The following KIF26B variants were observed in gnomAD, a reference collection of about 807,000 sequenced individuals.
KIF26B encodes kinesin-like protein KIF26B.
Under a neutral mutation model 151.2 loss-of-function variants are expected in KIF26B, and 63 were observed. That is an observed-to-expected ratio of 0.42 (90% CI 0.34 to 0.51). KIF26B has a LOEUF of 0.51. KIF26B is among the 20% of genes least tolerant of loss of function. The pLI, the probability that KIF26B is intolerant of heterozygous loss-of-function variation, is 0.07. For missense variants in KIF26B, 2,813 were observed against 2,913.6 expected, an observed-to-expected ratio of 0.97 and a Z score of 0.79; for synonymous variants, 1,357 against 1,262.1, an observed-to-expected ratio of 1.08 and a Z score of -1.59.
intron 9 of KIF26B, among the ~76,000 whole-genome samples, chr1:245,614,578 T>A (rs909128987): frequency 6.6e-6 from 1 of 152,232 alleles, no homozygotes; most frequent in African/African-American, 2.4e-5. Flanking sequence ...CTGGGGCTGC[T>A]TTTTATGGCT....
chr1:245,609,207 C>T lies in KIF26B; in HGVS notation c.1652-59C>T, dbSNP rs1264074229. The stretch of plus-strand genomic sequence containing the variant: ...ATATCCTTGGCATCTATTTTGGAGA[C>T]TCCGTGGAATGATGCCTGGACACTG... On this transcript the variant is annotated intron_variant, in intron 7 of 14. Coordinates refer to ENST00000407071, the MANE Select transcript of KIF26B (RefSeq NM_018012.4). 2.0e-6 allele frequency: 3 copies of T among 1,483,032 alleles called. No homozygotes were observed. The African/African-American group carries it at 4.2e-5, about 21-fold the overall frequency. 91.9% of individuals were successfully genotyped at this position (1,483,032 alleles called of 1,614,324 possible).
chr1:245,553,530 A>G (rs1661943087), intron 5 of KIF26B, among the ~76,000 whole-genome samples: 1 of 152,188 alleles, frequency 6.6e-6, no homozygotes, highest in African/African-American at 2.4e-5. Flanking sequence ...GTTGTTTTAT[A>G]TATGAATATT....
Position 245,597,037 on chromosome 1 carries a change from G to A in KIF26B, c.1351-5540G>A, listed in dbSNP as rs902869486. 3.3e-5 allele frequency among the ~76,000 whole-genome samples: 5 copies of A among 151,890 alleles called. No individual in the cohort carries two copies. Among genetic ancestry groups the A allele is most frequent in the African/African-American group, 1.2e-4 (5 of 41,374 alleles). On this transcript the variant is annotated intron_variant, in intron 5 of 14. Coordinates refer to ENST00000407071, the MANE Select transcript of KIF26B (RefSeq NM_018012.4). The surrounding 1 kb of genome is among the most constrained non-coding windows in gnomAD (Gnocchi z 4.6). ...TTTTGAGGCTATGTGTGACTCAGAT[G>A]GGTCTCCTGAATACAGCACCCTGAT...
intron 12 of KIF26B, among the ~76,000 whole-genome samples, chr1:245,691,753 T>C (rs546934493): frequency 6.6e-6 from 1 of 152,352 alleles, no homozygotes; most frequent in East Asian, 1.9e-4. Context: ...ACTAGAATTA[T>C]TGGGAAAATA....
At chr1:245,299,161 T>C (rs985427776) in intron 2 of KIF26B, among the ~76,000 whole-genome samples, 1 of 152,138 alleles carries the variant, frequency 6.6e-6, no homozygotes, top group African/African-American at 2.4e-5. Context: ...AACAGGCGCA[T>C]TGTTTTTATT....
At chr1:245,410,581 C>T (rs1159747567) in intron 3 of KIF26B, among the ~76,000 whole-genome samples, 1 of 152,126 alleles carries the variant, frequency 6.6e-6, no homozygotes, top group Non-Finnish European at 1.5e-5. Flanking sequence ...TCCCGAGTAG[C>T]TGGAATTACA....
Position 245,609,416 on chromosome 1 carries a change from G to C in KIF26B, c.1802G>C (p.Trp601Ser), listed in dbSNP as rs752605304. 11 of 1,608,958 alleles carry C rather than the reference G, an allele frequency of 6.8e-6. No individual in the cohort carries two copies. The highest frequency in any genetic ancestry group is 4.5e-5 in the East Asian group (2 of 44,720). ...FSVRVSAVEV[W>S]GKEENLRDLL... is the part of the protein sequence containing the mutation. Reference sequence around the variant, plus strand: ...GTCCGGGTTTCCGCCGTGGAAGTGTGGGGGAAGGAGGAGAACCTGCGGGAC... The same window carrying C: ...GTCCGGGTTTCCGCCGTGGAAGTGTCGGGGAAGGAGGAGAACCTGCGGGAC... The change falls in exon 8 of 15, where the codon TGG becomes TCG. Residue 601 changes from tryptophan to serine, a missense_variant. Around this residue, in one of 3 missense-constraint regions of KIF26B, gnomAD observed 77 missense variants for 136.9 expected, o/e 0.56. Coordinates refer to ENST00000407071, the MANE Select transcript of KIF26B (RefSeq NM_018012.4).
intron 2 of KIF26B, among the ~76,000 whole-genome samples, chr1:245,350,043 A>G (rs1672532747): frequency 6.7e-6 from 1 of 150,352 alleles, no homozygotes; most frequent in Non-Finnish European, 1.5e-5. Flanking sequence ...GAGAGTATAT[A>G]TATATATATT....
chr1:245,343,085 C>CAAA lies in KIF26B; in HGVS notation c.466-23736_466-23734dup, dbSNP rs11377283. Among the ~76,000 whole-genome samples the CAAA allele has an allele frequency of 9.4e-3, 1,239 of 131,898 alleles. 14 individuals are homozygous for CAAA. The highest frequency in any genetic ancestry group is 0.033 in the African/African-American group (1,151 of 34,380). 86.5% of individuals were successfully genotyped at this position (131,898 alleles called of 152,430 possible). On this transcript the variant is annotated intron_variant, in intron 2 of 14. Transcript: ENST00000407071. Reference sequence around the variant, plus strand: ...TGGGCAACAGAGCGAGACTCCATCTCAAAAAAAAAAAAAAAGAATTTAGAT... The same window carrying CAAA: ...TGGGCAACAGAGCGAGACTCCATCTCAAAAAAAAAAAAAAAAAAGAATTTAGAT...
intron 4 of KIF26B, among the ~76,000 whole-genome samples, chr1:245,524,984 C>G (rs1029059261): frequency 2.0e-5 from 3 of 152,136 alleles, no homozygotes; most frequent in African/African-American, 4.8e-5. Flanking sequence ...CCGTCTTCCT[C>G]TTTACCTCTC....
At chr1:245,510,913 A>C in intron 4 of KIF26B, 1 of 595,978 alleles carries the variant, frequency 1.7e-6, no homozygotes, top group Non-Finnish European at 3.0e-6. Context: ...AGAATGTTTC[A>C]CCAGGGTCTG....
Position 245,560,206 on chromosome 1 carries a change from G to A in KIF26B, c.1350+19256G>A, listed in dbSNP as rs904641853. Among the ~76,000 whole-genome samples, 4 of 152,090 alleles carry A rather than the reference G, an allele frequency of 2.6e-5. No homozygotes were observed. Reference sequence around the variant, plus strand: ...GCCCCTTTTTGCATTTATTCATGTGGATACATAGATGCTCATTCGCTTCAA... The same window carrying A: ...GCCCCTTTTTGCATTTATTCATGTGAATACATAGATGCTCATTCGCTTCAA... On this transcript the variant is annotated intron_variant, in intron 5 of 14. Transcript: ENST00000407071. The surrounding 1 kb of genome is among the most constrained non-coding windows in gnomAD (Gnocchi z 4.3).
chr1:245,263,825 C>T (rs73128819), intron 2 of KIF26B, among the ~76,000 whole-genome samples: 13,897 of 152,224 alleles, frequency 0.091, 680 homozygotes, highest in Middle Eastern at 0.13. Context: ...AGTTAACAGA[C>T]GTCAGAATGT....
Position 245,418,932 on chromosome 1 carries a change from G to A in KIF26B, c.1000-647G>A, listed in dbSNP as rs78375647. 4.3e-3 allele frequency among the ~76,000 whole-genome samples: 655 copies of A among 152,230 alleles called. 5 individuals carry two copies. Among genetic ancestry groups the A allele is most frequent in the East Asian group, 0.014 (75 of 5,190 alleles). ...CTTCCATTATAAAGGCAATCATTTCGAATGAAACAGAAGCCATTTATCTTA... is the reference window on the plus strand; with the variant it reads ...CTTCCATTATAAAGGCAATCATTTCAAATGAAACAGAAGCCATTTATCTTA... On this transcript the variant is annotated intron_variant, in intron 3 of 14. Coordinates refer to ENST00000407071, the MANE Select transcript of KIF26B (RefSeq NM_018012.4).
chr1:245,539,898 CTG>C (rs1262571551), intron 4 of KIF26B, among the ~76,000 whole-genome samples: 6 of 152,196 alleles, frequency 3.9e-5, no homozygotes, highest in Non-Finnish European at 7.3e-5. Flanking sequence ...GGTGAGCTGC[CTG>C]CCTCGGCCTC....
intron 4 of KIF26B, among the ~76,000 whole-genome samples, chr1:245,535,726 T>C (rs1402623439): frequency 6.6e-6 from 1 of 152,216 alleles, no homozygotes; most frequent in African/African-American, 2.4e-5. Flanking sequence ...TTGGTACCTG[T>C]ATTACATAGG....
intron 14 of KIF26B, among the ~76,000 whole-genome samples, chr1:245,700,272 T>C (rs1043419990): frequency 3.9e-5 from 6 of 152,200 alleles, no homozygotes; most frequent in African/African-American, 1.4e-4. Context: ...GACTACACCA[T>C]AGGGCAGTTG....
chr1:245,156,533 C>A lies in KIF26B; in HGVS notation c.315C>A (p.Gly105=), dbSNP rs1668437249. 2 of 1,535,802 alleles carry A rather than the reference C, an allele frequency of 1.3e-6. No homozygotes were observed. The highest frequency in any genetic ancestry group is 2.8e-5 in the African/African-American group (2 of 71,872). The part of the protein sequence containing the change: ...SSPGSLGGSP[G]FGTGSPGSGS... Reference sequence around the variant, plus strand: ...CGGGCTCCTTGGGCGGCTCTCCGGGCTTCGGCACAGGCTCCCCGGGCTCCG... The same window carrying A: ...CGGGCTCCTTGGGCGGCTCTCCGGGATTCGGCACAGGCTCCCCGGGCTCCG... Residue 105 remains glycine (G), a synonymous_variant, in exon 2 of 15, where the codon GGC becomes GGA. Transcript: ENST00000407071.
Position 245,367,358 on chromosome 1 carries a change from C to T in KIF26B, c.990C>T (p.Tyr330=), listed in dbSNP as rs1158572260. ...SLSRTNGVTL[Y]PYQISQLMTE... ...CGAGAACCAACGGGGTCACCCTGTACCCATACCAGGTAAGTAGCCTGTGTG... is the reference window on the plus strand; with the variant it reads ...CGAGAACCAACGGGGTCACCCTGTATCCATACCAGGTAAGTAGCCTGTGTG... The change falls in exon 3 of 15, where the codon TAC becomes TAT. Residue 330 remains tyrosine (Y), a synonymous_variant. Transcript: ENST00000407071. This position sits in a 1 kb window ranked among gnomAD's most constrained non-coding sequence, Gnocchi z 4.2. 1 of 1,586,822 alleles carries T rather than the reference C, an allele frequency of 6.3e-7. No homozygotes were observed. Among genetic ancestry groups the T allele is most frequent in the Non-Finnish European group, 8.6e-7 (1 of 1,166,530 alleles).
Sources: gnomAD v4.1 joint callset for allele counts (sites outside exome capture counted in the v4.1 genomes callset) on GRCh38, gnomAD v4.1.1 for gene constraint, gnomAD v4.1.1 regional missense constraint, Gnocchi (gnomAD v3.1) non-coding constraint, MANE v1.5 for transcripts, NCBI Gene and HGNC (gene_info 2026-07-23, HGNC 2026-07-21) for gene names.